Variants in ENTPD2 observed in about 807,000 individuals in gnomAD.
ENTPD2 encodes CD39 antigen-like 1.
A neutral mutation model predicts 46.8 loss-of-function variants in ENTPD2; 48 were observed. The observed-to-expected ratio is 1.03, with a 90% CI of 0.81 to 1.30. The LOEUF is 1.30. ENTPD2 is among the 50% of genes most tolerant of loss of function. The pLI, the probability that ENTPD2 is intolerant of heterozygous loss-of-function variation, is 0.00. For missense variants in ENTPD2, 707 were observed against 651.1 expected (o/e 1.09, Z -0.93); for synonymous variants, 316 against 286.1 (o/e 1.10, Z -1.06).
In ENTPD2 at chr9:137,052,355, GGGAGGGGGA is replaced by G; in HGVS notation, c.118-16_118-8del. The G allele has an allele frequency of 7.8e-6, 11 of 1,419,080 alleles. No individual in the cohort carries two copies. Among genetic ancestry groups the G allele is most frequent in the Non-Finnish European group, 9.9e-6 (10 of 1,007,628 alleles). The allele number at this position is 1,419,080 out of a possible 1,614,324, so 87.9% of individuals were successfully genotyped here. A position where few individuals can be genotyped will look rare whatever the true frequency, so the allele number is the denominator to read the frequency against. ...CGTCCAGGACGATGCCATACTGCGG[GGGAGGGGGA>G]GGGAGTCAGCCTGGGGTGTCCGGGG... On this transcript the variant is annotated splice_polypyrimidine_tract_variant and splice_region_variant and intron_variant, in intron 1 of 8. Coordinates refer to ENST00000355097, the MANE Select transcript of ENTPD2 (RefSeq NM_203468.3).
In ENTPD2 at chr9:137,048,823, A is replaced by C. The variant is rs758649809; in HGVS notation, c.1322T>G (p.Met441Arg). The change falls in exon 9 of 9, where the codon ATG (methionine) becomes AGG (arginine). Residue 441 changes from methionine (M) to arginine (R), a missense_variant. Coordinates refer to ENST00000355097, the MANE Select transcript of ENTPD2 (RefSeq NM_203468.3). ...GGGGATCAGGTTGGTCAGGTTCAGC[A>C]TGTAGCCGAGCGCCCAGCCCACTGC... ...DTAVGWALGY[M>R]LNLTNLIPAD... is the part of the protein sequence containing the mutation. 1.3e-6 allele frequency: 2 copies of C among 1,566,156 alleles called. No homozygotes were observed. Among genetic ancestry groups the C allele is most frequent in the East Asian group, 2.3e-5 (1 of 44,014 alleles).
rs1421099112 is a variant in ENTPD2 at position 137,051,082 on chromosome 9, C to G, written c.594G>C (p.Gly198=). The change falls in exon 5 of 9, where the codon GGG becomes GGC. Residue 198 remains glycine (G), a synonymous_variant. Transcript: ENST00000355097. ...RWFRPRKGTL[G]AMDLGGASTQ... The stretch of plus-strand genomic sequence containing the variant: ...TAGAGGCACCCCCCAGGTCCATGGC[C>G]CCCAGTGTCCCCTTCCGTGGCCGGA... The G allele has an allele frequency of 6.2e-7, 1 of 1,612,708 alleles. No individual in the cohort carries two copies. Among genetic ancestry groups the G allele is most frequent in the Non-Finnish European group, 8.5e-7 (1 of 1,180,008 alleles).
intron 4 of ENTPD2, 33 bp downstream of exon 4, chr9:137,051,177 GC>G: frequency 1.2e-6 from 2 of 1,611,394 alleles, no homozygotes; most frequent in Middle Eastern, 3.3e-4. Context: ...GGGCGCCCAC[GC>G]CCCCTGGCTC....
chr9:137,049,662 C>T (rs1317305776), intron 7 of ENTPD2: 9 of 564,852 alleles, frequency 1.6e-5, no homozygotes, highest in South Asian at 6.6e-5. Flanking sequence ...GGATGAGGGT[C>T]GGGCCTGGCG....
intron 7 of ENTPD2, 80 bp downstream of exon 7, chr9:137,049,790 C>T: frequency 1.3e-6 from 2 of 1,490,804 alleles, no homozygotes; most frequent in East Asian, 4.7e-5. Flanking sequence ...AGAGGCCTGT[C>T]CATGCAGGGC....
chr9:137,049,818 G>C, intron 7 of ENTPD2, 52 bp downstream of exon 7: 1 of 1,560,108 alleles, frequency 6.4e-7, no homozygotes, highest in Non-Finnish European at 8.7e-7. Flanking sequence ...GCATGCGGAG[G>C]CGGAGGCTGA....
Position 137,048,921 on chromosome 9 carries a change from C to A in ENTPD2, c.1284+20G>T. 1 of 1,500,038 alleles carries A rather than the reference C, an allele frequency of 6.7e-7. No homozygotes were observed. The highest frequency in any genetic ancestry group is 1.3e-5 in the South Asian group (1 of 79,394). 92.9% of individuals were successfully genotyped at this position (1,500,038 alleles called of 1,614,324 possible). A position where few individuals can be genotyped will look rare whatever the true frequency, so the allele number is the denominator to read the frequency against. On this transcript the variant is annotated intron_variant, in intron 8 of 8. Transcript: ENST00000355097. ...CCCCGCCCCGCAAGGTCGGCCCCGC[C>A]CCGCCCCGCCCCAGCCCACCTTCTT...
At chr9:137,053,129 G>A (rs1243014315) in intron 1 of ENTPD2, 2 of 152,350 alleles carry the variant, frequency 1.3e-5, no homozygotes, top group Non-Finnish European at 2.9e-5. Context: ...CTTCCCCAGA[G>A]CCCAGAGCAT....
chr9:137,048,380 A>C lies in ENTPD2; in HGVS notation c.*277T>G. On this transcript the variant is annotated 3_prime_UTR_variant, in exon 9 of 9. Transcript: ENST00000355097. ...TTTGCCCACCCAGGCTCCTGTGGGT[A>C]CCAGAGTCTCAGTTCCTATTTCCTG... 6 of 375,514 alleles carry C rather than the reference A, an allele frequency of 1.6e-5. No individual in the cohort carries two copies. Among genetic ancestry groups the C allele is most frequent in the East Asian group, 6.0e-5 (1 of 16,648 alleles). 23.3% of individuals were successfully genotyped at this position (375,514 alleles called of 1,614,324 possible).
chr9:137,048,695 G>A lies in ENTPD2; in HGVS notation c.1450C>T (p.Arg484Cys). The A allele has an allele frequency of 2.5e-6, 4 of 1,604,550 alleles. No homozygotes were observed. Among genetic ancestry groups the A allele is most frequent in the Non-Finnish European group, 2.5e-6 (3 of 1,176,532 alleles). ...ALLAALVLLL[R>C]QVHSAKLPST... is the part of the protein sequence containing the mutation. The stretch of plus-strand genomic sequence containing the variant: ...GGCAGCTTGGCGGAGTGCACCTGAC[G>A]CAGCAGCAGGACAAGCGCAGCCAGG... The change falls in exon 9 of 9, where the codon CGT (arginine) becomes TGT (cysteine). Residue 484 changes from arginine to cysteine, a missense_variant. Arg to Cys is a radical substitution (Grantham distance 180). Transcript: ENST00000355097.
intron 7 of ENTPD2, chr9:137,049,412 C>G (rs117662508): frequency 0.046 from 26,014 of 564,786 alleles, 791 homozygotes; most frequent in Non-Finnish European, 0.062. Context: ...CCCGCTGGCT[C>G]GCCGCCTGTC....
chr9:137,049,114 C>T (rs1167919794), intron 7 of ENTPD2, 39 bp from the exon 8 acceptor site: 3 of 1,531,506 alleles, frequency 2.0e-6, no homozygotes, highest in Non-Finnish European at 2.6e-6. Flanking sequence ...AGGCGACCAC[C>T]AGGAGGTCTC....
At chr9:137,048,889 C>A in intron 8 of ENTPD2, 29 bp from the exon 9 acceptor site, 2 of 1,503,698 alleles carry the variant, frequency 1.3e-6, no homozygotes, top group East Asian at 2.4e-5. Flanking sequence ...CCTCAGCTCC[C>A]GAGAGGCCCC....
Position 137,052,354 on chromosome 9 carries a change from G to A in ENTPD2, c.118-6C>T. On this transcript the variant is annotated splice_polypyrimidine_tract_variant and splice_region_variant and intron_variant, in intron 1 of 8. Transcript: ENST00000355097. Reference sequence around the variant, plus strand: ...GCGTCCAGGACGATGCCATACTGCGGGGGAGGGGGAGGGAGTCAGCCTGGG... The same window carrying A: ...GCGTCCAGGACGATGCCATACTGCGAGGGAGGGGGAGGGAGTCAGCCTGGG... 6.9e-7 allele frequency: 1 copy of A among 1,442,828 alleles called. No homozygotes were observed. The allele number at this position is 1,442,828 out of a possible 1,614,324, so 89.4% of individuals were successfully genotyped here.
intron 7 of ENTPD2, 118 bp downstream of exon 7, chr9:137,049,752 C>T (rs1401729112): frequency 1.0e-5 from 12 of 1,197,124 alleles, no homozygotes; most frequent in Non-Finnish European, 1.4e-5. Context: ...TAATGCCTGC[C>T]ATCGCCCCCA....
rs1564250849 is a variant in ENTPD2, at chr9:137,048,987, T to G, written c.1238A>C (p.Tyr413Ser). The change falls in exon 8 of 9, where the codon TAC becomes TCC. Residue 413 changes from tyrosine (Y) to serine (S), a missense_variant. Transcript: ENST00000355097. ...MFVQQLLSRG[Y>S]GFDERAFGGV... is the part of the protein sequence containing the mutation. Reference sequence around the variant, plus strand: ...GCCGAAGGCGCGCTCGTCGAAGCCGTAGCCGCGACTCAGCAGCTGCTGCAC... The same window carrying G: ...GCCGAAGGCGCGCTCGTCGAAGCCGGAGCCGCGACTCAGCAGCTGCTGCAC... 6.5e-7 allele frequency: 1 copy of G among 1,534,508 alleles called. No homozygotes were observed.
chr9:137,050,668 C>G (rs533388981), intron 5 of ENTPD2, 130 bp from the exon 6 acceptor site: 565 of 1,407,678 alleles, frequency 4.0e-4, no homozygotes, highest in Non-Finnish European at 5.0e-4. Flanking sequence ...CTCCCCACTG[C>G]CTGCTTGACA....
rs115672624 is a variant in ENTPD2, at chr9:137,049,253, G to A, written c.1150-178C>T. On this transcript the variant is annotated intron_variant, in intron 7 of 8. Transcript: ENST00000355097. ...AAGACCGAGTCCGAGGGGCACCCCC[G>A]GCAGGGCACGCTTCCATCCCTCCCC... The A allele has an allele frequency of 2.1e-3, 2,259 of 1,074,222 alleles. 22 individuals are homozygous for A. The African/African-American group carries it at 0.03, about 14-fold the overall frequency. The allele number at this position is 1,074,222 out of a possible 1,614,324, so 66.5% of individuals were successfully genotyped here.
At chr9:137,050,658 C>G in intron 5 of ENTPD2, 120 bp from the exon 6 acceptor site, 2 of 1,434,318 alleles carry the variant, frequency 1.4e-6, no homozygotes, top group Non-Finnish European at 1.9e-6. Flanking sequence ...CAATCCATGG[C>G]TCCCCACTGC....
Sources: allele counts gnomAD v4.1 joint callset, GRCh38; gene constraint gnomAD v4.1.1; transcripts MANE v1.5; gene names NCBI Gene and HGNC (gene_info 2026-07-23, HGNC 2026-07-21).